Variants in KCTD16 observed in about 807,000 individuals in gnomAD.
KCTD16 encodes the protein potassium channel tetramerization domain containing 16.
KCTD16 carries 13 observed loss-of-function variants against 33.2 expected under a neutral mutation model. The observed-to-expected ratio is 0.39, with a 90% confidence interval of 0.25 to 0.62. The LOEUF is 0.62. Among genes scored for constraint, KCTD16 ranks in the 20% least tolerant of loss-of-function variants. The pLI, the probability that KCTD16 is intolerant of heterozygous loss-of-function variation, is 0.50. For synonymous variants in KCTD16, 197 were observed against 195.3 expected, an observed-to-expected ratio of 1.01 and a Z score of -0.07; for missense variants, 441 against 525.1, an observed-to-expected ratio of 0.84 and a Z score of 1.57.
intron 3 of KCTD16, among the ~76,000 whole-genome samples, chr5:144,312,113 T>C (rs1751781489): frequency 6.6e-6 from 1 of 152,180 alleles, no homozygotes; most frequent in Non-Finnish European, 1.5e-5. Flanking sequence ...CAAACACATA[T>C]GCAGACTGCT....
chr5:144,287,782 C>T (rs956126483), intron 3 of KCTD16, among the ~76,000 whole-genome samples: 5 of 151,830 alleles, frequency 3.3e-5, no homozygotes, highest in South Asian at 2.1e-4. Flanking sequence ...GTTAGAGGCT[C>T]GCACGACCTC....
At chr5:144,243,967 T>C (rs560556028) in intron 3 of KCTD16, among the ~76,000 whole-genome samples, 25 of 152,172 alleles carry the variant, frequency 1.6e-4, no homozygotes, top group African/African-American at 6.0e-4. Context: ...AGGGTCTCGA[T>C]CTCCTGACTT....
intron 3 of KCTD16, among the ~76,000 whole-genome samples, chr5:144,406,873 C>T (rs1003824363): frequency 1.3e-5 from 2 of 152,160 alleles, no homozygotes; most frequent in Non-Finnish European, 2.9e-5. Flanking sequence ...AACTGTAAGG[C>T]AGAGAAACTC....
rs572458346 is a variant in KCTD16 at position 144,389,583 on chromosome 5, A to G, written c.833-84077A>G. ...GTGAGTTGTATAATTATTTCATTAT[A>G]TAGTGCAATGTAATAATAATAGAAA... On this transcript the variant is annotated intron_variant, in intron 3 of 3. Coordinates refer to ENST00000512467, the MANE Select transcript of KCTD16 (RefSeq NM_020768.4). Among the ~76,000 whole-genome samples the G allele has an allele frequency of 2.0e-5, 3 of 152,160 alleles. No homozygotes were observed. The South Asian group carries it at 6.2e-4, about 32-fold the overall frequency.
intron 2 of KCTD16, among the ~76,000 whole-genome samples, chr5:144,194,245 G>A (rs1044841559): frequency 2.0e-5 from 3 of 152,220 alleles, no homozygotes; most frequent in Non-Finnish European, 4.4e-5. Flanking sequence ...TAACAAATGA[G>A]GAACAAGCTC....
chr5:144,404,749 G>C (rs1752775554), intron 3 of KCTD16, among the ~76,000 whole-genome samples: 1 of 152,094 alleles, frequency 6.6e-6, no homozygotes, highest in African/African-American at 2.4e-5. Context: ...GTAGAGAGGT[G>C]GCAGGTTTGC....
intron 3 of KCTD16, among the ~76,000 whole-genome samples, chr5:144,422,779 C>G (rs1753239159): frequency 6.6e-6 from 1 of 152,086 alleles, no homozygotes; most frequent in Non-Finnish European, 1.5e-5. Flanking sequence ...AGAAGCATAT[C>G]TAATGATATG....
At chr5:144,188,093 G>A (rs1421898971) in intron 2 of KCTD16, among the ~76,000 whole-genome samples, 1 of 152,138 alleles carries the variant, frequency 6.6e-6, no homozygotes, top group East Asian at 1.9e-4. Context: ...ATCATTATAG[G>A]TTTCTTGCTT....
chr5:144,450,007 G>T (rs1753905384), intron 3 of KCTD16, among the ~76,000 whole-genome samples: 1 of 151,830 alleles, frequency 6.6e-6, no homozygotes, highest in Non-Finnish European at 1.5e-5. Flanking sequence ...AGAGTGAAAA[G>T]GCAACCTAAA....
intron 3 of KCTD16, among the ~76,000 whole-genome samples, chr5:144,431,719 G>A (rs1034979274): frequency 5.9e-5 from 9 of 152,120 alleles, no homozygotes; most frequent in Non-Finnish European, 1.2e-4. Context: ...CTAGAGGGTT[G>A]GCAGTGGGAG....
At chr5:144,311,216 G>A (rs1194859536) in intron 3 of KCTD16, among the ~76,000 whole-genome samples, 1 of 152,094 alleles carries the variant, frequency 6.6e-6, no homozygotes, top group African/African-American at 2.4e-5. Flanking sequence ...CAAACTAACA[G>A]GGCACATGTA....
chr5:144,462,029 A>G (rs1754207672), intron 3 of KCTD16, among the ~76,000 whole-genome samples: 1 of 152,028 alleles, frequency 6.6e-6, no homozygotes, highest in Non-Finnish European at 1.5e-5. Flanking sequence ...CTGGTGTTTC[A>G]TCATTTGTTT....
At chr5:144,382,086 G>T (rs1752228885) in intron 3 of KCTD16, among the ~76,000 whole-genome samples, 1 of 151,976 alleles carries the variant, frequency 6.6e-6, no homozygotes, top group African/African-American at 2.4e-5. Context: ...TTGAAATCAT[G>T]CCTTTTGCAG....
At chr5:144,287,652 T>A (rs1315076847) in intron 3 of KCTD16, among the ~76,000 whole-genome samples, 1 of 152,114 alleles carries the variant, frequency 6.6e-6, no homozygotes, top group Non-Finnish European at 1.5e-5. Flanking sequence ...ATTATTCTTT[T>A]TGAGACTGAG....
At chr5:144,397,139 G>A (rs1752587607) in intron 3 of KCTD16, among the ~76,000 whole-genome samples, 1 of 135,110 alleles carries the variant, frequency 7.4e-6, no homozygotes, top group African/African-American at 2.8e-5. Context: ...TGTTCTCATT[G>A]TTCAATTCCC....
At chr5:144,192,932 T>C (rs1321750293) in intron 2 of KCTD16, among the ~76,000 whole-genome samples, 2 of 152,206 alleles carry the variant, frequency 1.3e-5, no homozygotes, top group African/African-American at 4.8e-5. Flanking sequence ...AATAATGGCA[T>C]CTTTAGAAAG....
rs1439730263 is a variant in KCTD16, at chr5:144,285,728, C to T, written c.832+78182C>T. Among the ~76,000 whole-genome samples, 4 of 152,146 alleles carry T rather than the reference C, an allele frequency of 2.6e-5. No individual in the cohort carries two copies. In the East Asian group the frequency reaches 7.7e-4, roughly 29 times the overall value. On this transcript the variant is annotated intron_variant, in intron 3 of 3. Transcript: ENST00000512467. ...TAATTAAAAATTACATTCTACATTG[C>T]TGTCTGTTTTGCAAACGTAGAGCTA...
chr5:144,217,629 A>C (rs1254606744), intron 3 of KCTD16, among the ~76,000 whole-genome samples: 1 of 152,190 alleles, frequency 6.6e-6, no homozygotes, highest in African/African-American at 2.4e-5. Context: ...TCTTATATGA[A>C]GTACTTTTCT....
intron 3 of KCTD16, among the ~76,000 whole-genome samples, chr5:144,389,443 A>T (rs1171933270): frequency 2.0e-5 from 3 of 151,952 alleles, no homozygotes; most frequent in Non-Finnish European, 4.4e-5. Flanking sequence ...TCTAGGTTCC[A>T]TGCTCCTTAT....
Sources: gnomAD v4.1 joint callset for allele counts (sites outside exome capture counted in the v4.1 genomes callset) on GRCh38, gnomAD v4.1.1 for gene constraint, MANE v1.5 for transcripts, NCBI Gene and HGNC (gene_info 2026-07-23, HGNC 2026-07-21) for gene names.